The following ACSF2 variants were observed in gnomAD, a reference collection of about 807,000 sequenced individuals.
ACSF2 encodes medium-chain acyl-CoA ligase ACSF2, mitochondrial.
Under a neutral mutation model 79.3 loss-of-function variants are expected in ACSF2, and 52 were observed. The observed-to-expected ratio is 0.66, with a 90% CI of 0.53 to 0.83. The LOEUF is 0.83. ACSF2 is among the 40% of genes least tolerant of loss of function. ACSF2 has a pLI of 0.00. For missense variants in ACSF2, 661 were observed against 803.3 expected (o/e 0.82, Z 2.14); for synonymous variants, 283 against 312.6 (o/e 0.91, Z 1.00).
intron 1 of ACSF2, among the ~76,000 whole-genome samples, chr17:50,453,503 C>T (rs893110148): frequency 7.2e-5 from 11 of 151,976 alleles, no homozygotes; most frequent in South Asian, 2.1e-4. Context: ...CCACCGCGCT[C>T]GGCCTCACCT....
intron 1 of ACSF2, among the ~76,000 whole-genome samples, chr17:50,447,435 G>C (rs750796674): frequency 1.1e-4 from 16 of 151,928 alleles, no homozygotes; most frequent in Non-Finnish European, 2.4e-4. Context: ...AGCTACTCGG[G>C]GGGTGCTGGG....
At chr17:50,469,590 G>C (rs2033002524) in intron 10 of ACSF2, among the ~76,000 whole-genome samples, 1 of 152,202 alleles carries the variant, frequency 6.6e-6, no homozygotes, top group Non-Finnish European at 1.5e-5. Flanking sequence ...AGTGGGAAGT[G>C]GGGGAGAGTG....
At chr17:50,468,669 C>A (rs1224946946) in intron 10 of ACSF2, 1 of 1,614,012 alleles carries the variant, frequency 6.2e-7, no homozygotes, top group African/African-American at 1.3e-5. Context: ...TTCTCTGACA[C>A]CTTGGGGATC....
At chr17:50,442,297 C>A (rs1239836830) in intron 1 of ACSF2, among the ~76,000 whole-genome samples, 3 of 150,282 alleles carry the variant, frequency 2.0e-5, no homozygotes, top group Non-Finnish European at 2.9e-5. Flanking sequence ...AAGAGTGAAA[C>A]TCCATCCCAA....
At chr17:50,430,274 GA>G (rs1319981657) in intron 1 of ACSF2, among the ~76,000 whole-genome samples, 2 of 152,230 alleles carry the variant, frequency 1.3e-5, no homozygotes, top group African/African-American at 4.8e-5. Flanking sequence ...TATAAGTAGA[GA>G]GATTTATTTG....
intron 1 of ACSF2, among the ~76,000 whole-genome samples, chr17:50,449,561 C>G (rs1206205833): frequency 6.6e-6 from 1 of 151,590 alleles, no homozygotes; most frequent in Non-Finnish European, 1.5e-5. Flanking sequence ...CCCGCCACCA[C>G]GCCCGGCTAA....
intron 1 of ACSF2, among the ~76,000 whole-genome samples, chr17:50,439,232 CTTTTTTTTTTTT>C (rs754203020): frequency 2.1e-5 from 2 of 96,462 alleles, no homozygotes; most frequent in Non-Finnish European, 3.9e-5. Context: ...TACCACACAG[CTTTTTTTTTTTT>C]TTTTTTTTTT....
intron 1 of ACSF2, among the ~76,000 whole-genome samples, chr17:50,454,888 A>G (rs969258123): frequency 1.3e-5 from 2 of 152,104 alleles, no homozygotes; most frequent in African/African-American, 2.4e-5. Context: ...CGATTTCCCA[A>G]TTAGAATTTC....
At chr17:50,465,900 G>A (rs758640448) in intron 10 of ACSF2, 1 of 1,612,896 alleles carries the variant, frequency 6.2e-7, no homozygotes, top group Admixed American at 1.7e-5. Context: ...CAAGGTGGGA[G>A]CAAGGTGGTC....
chr17:50,453,291 C>A (rs1224903718), intron 1 of ACSF2, among the ~76,000 whole-genome samples: 1 of 151,820 alleles, frequency 6.6e-6, no homozygotes, highest in Non-Finnish European at 1.5e-5. Flanking sequence ...TCACTGCAAC[C>A]TCTACCTCTT....
intron 2 of ACSF2, 185 bp downstream of exon 2, chr17:50,461,057 A>G (rs1676940973): frequency 8.9e-7 from 1 of 1,128,740 alleles, no homozygotes; most frequent in East Asian, 2.6e-5. Context: ...CTCCTGTATC[A>G]GCAGCTCCTG....
At chr17:50,469,082 G>GCC in intron 10 of ACSF2, 1 of 1,225,640 alleles carries the variant, frequency 8.2e-7, no homozygotes, top group Non-Finnish European at 1.0e-6. Flanking sequence ...TGGCCCCCGA[G>GCC]CCCCGAGCCC....
chr17:50,460,436 G>A (rs984972296), intron 1 of ACSF2: 51 of 552,284 alleles, frequency 9.2e-5, no homozygotes, highest in South Asian at 6.9e-4. Context: ...CCGGGAAGGC[G>A]AAGGAGGGCC....
At chr17:50,462,137 G>GT in intron 4 of ACSF2, 47 bp from the exon 5 acceptor site, 3 of 1,558,452 alleles carry the variant, frequency 1.9e-6, no homozygotes, top group Non-Finnish European at 2.6e-6. Flanking sequence ...CAGAGCTCTA[G>GT]TCTGGGGCTC....
intron 1 of ACSF2, among the ~76,000 whole-genome samples, chr17:50,457,892 G>T (rs2032105584): frequency 6.6e-6 from 1 of 152,136 alleles, no homozygotes; most frequent in Non-Finnish European, 1.5e-5. Flanking sequence ...GTGATTCATA[G>T]AATCCTCACC....
intron 1 of ACSF2, among the ~76,000 whole-genome samples, chr17:50,436,109 G>A (rs2030387853): frequency 6.6e-6 from 1 of 151,852 alleles, no homozygotes; most frequent in Non-Finnish European, 1.5e-5. Flanking sequence ...TGTTGTTGTT[G>A]TTGTTGTTAT....
chr17:50,466,073 C>A (rs886925803), intron 10 of ACSF2, among the ~76,000 whole-genome samples: 1 of 120,034 alleles, frequency 8.3e-6, no homozygotes, highest in Non-Finnish European at 1.7e-5. Context: ...GTGTTATTTT[C>A]TTTTTTTTTT....
intron 1 of ACSF2, among the ~76,000 whole-genome samples, chr17:50,458,538 G>A (rs1411601452): frequency 6.6e-6 from 1 of 152,104 alleles, no homozygotes; most frequent in Non-Finnish European, 1.5e-5. Flanking sequence ...CGTCTTACAG[G>A]TGCTCCTAGG....
At chr17:50,465,461 G>GGGGCTGGGGAAGAAGGTGGGA in intron 10 of ACSF2, 1 of 1,612,992 alleles carries the variant, frequency 6.2e-7, no homozygotes, top group Middle Eastern at 1.7e-4. Context: ...GAAACTTGCT[G>GGGGCTGGGGAAGAAGGTGGGA]GGGCTGGGGA....
Sources: gnomAD v4.1 joint callset for allele counts (sites outside exome capture counted in the v4.1 genomes callset) on GRCh38, gnomAD v4.1.1 for gene constraint, MANE v1.5 for transcripts, NCBI Gene and HGNC (gene_info 2026-07-23, HGNC 2026-07-21) for gene names.